TAFA1: variants seen among roughly 807,000 people sequenced by gnomAD.
TAFA1 encodes chemokine-like protein TAFA-1.
In TAFA1, 4 loss-of-function variants were observed where a neutral mutation model predicts 18.5. That is an observed-to-expected ratio of 0.22 (90% CI 0.11 to 0.49). TAFA1 has a LOEUF of 0.49. Ranked by LOEUF, TAFA1 falls within the 20% of genes least tolerant of loss-of-function variation. The pLI is 0.98. For synonymous variants in TAFA1, 56 were observed against 55.2 expected, an observed-to-expected ratio of 1.01 and a Z score of -0.06; for missense variants, 147 against 169.0, an observed-to-expected ratio of 0.87 and a Z score of 0.72.
chr3:68,382,550 G>C (rs1025543570), intron 2 of TAFA1, among the ~76,000 whole-genome samples: 3 of 151,898 alleles, frequency 2.0e-5, no homozygotes, highest in Non-Finnish European at 2.9e-5. Context: ...CTTATTTCTG[G>C]GTTCTCTATT....
chr3:68,544,697 A>C lies in TAFA1; in HGVS notation c.*194A>C. On this transcript the variant is annotated 3_prime_UTR_variant, in exon 5 of 5. Transcript: ENST00000478136. ...GAAGACACAGCGTTTTGGCAACACC[A>C]TGGAAAGTGGGCTTAAAAAAGGGTT... The C allele has an allele frequency of 1.8e-6, 1 of 542,108 alleles. No homozygotes were observed. The highest frequency in any genetic ancestry group is 1.9e-5 in the African/African-American group (1 of 51,372). 33.6% of individuals were successfully genotyped at this position (542,108 alleles called of 1,614,324 possible). A position where few individuals can be genotyped will look rare whatever the true frequency, so the allele number is the denominator to read the frequency against.
In TAFA1 at chr3:68,098,356, T is replaced by C. The variant is rs371350132; in HGVS notation, c.118+91612T>C. 7.2e-5 allele frequency among the ~76,000 whole-genome samples: 11 copies of C among 152,130 alleles called. 1 individual carries two copies. In the South Asian group the frequency reaches 8.3e-4, roughly 11 times the overall value. The stretch of plus-strand genomic sequence containing the variant: ...ATGCTGTGCCACTTCTGTCTTTTGA[T>C]TTGGGGGAAGTTGCTAGATCTCCCA... On this transcript the variant is annotated intron_variant, in intron 2 of 4. Transcript: ENST00000478136.
chr3:68,285,521 A>G (rs2067983286), intron 2 of TAFA1, among the ~76,000 whole-genome samples: 1 of 152,158 alleles, frequency 6.6e-6, no homozygotes, highest in South Asian at 2.1e-4. Context: ...AACTATATAT[A>G]TAGTGCTAGA....
At chr3:68,016,668 A>G (rs1170760828) in intron 2 of TAFA1, among the ~76,000 whole-genome samples, 2 of 152,126 alleles carry the variant, frequency 1.3e-5, no homozygotes, top group Non-Finnish European at 2.9e-5. Flanking sequence ...CTAATGATGT[A>G]TTTCTCAGAA....
chr3:68,143,834 A>T (rs953280793), intron 2 of TAFA1, among the ~76,000 whole-genome samples: 4 of 152,110 alleles, frequency 2.6e-5, no homozygotes, highest in African/African-American at 2.4e-5. Flanking sequence ...ACCTCCTAAG[A>T]TCCCTGCCAA....
intron 2 of TAFA1, among the ~76,000 whole-genome samples, chr3:68,322,865 C>T (rs1282237860): frequency 6.6e-6 from 1 of 152,110 alleles, no homozygotes; most frequent in Non-Finnish European, 1.5e-5. Flanking sequence ...ATCTCTTGAA[C>T]CTTGGAGGCA....
chr3:68,337,185 A>G (rs1291732649), intron 2 of TAFA1, among the ~76,000 whole-genome samples: 2 of 152,188 alleles, frequency 1.3e-5, no homozygotes, highest in African/African-American at 4.8e-5. Flanking sequence ...ACGGTTCCAC[A>G]CACTATACAG....
chr3:68,423,171 A>T (rs966681993), intron 3 of TAFA1, among the ~76,000 whole-genome samples: 1 of 152,118 alleles, frequency 6.6e-6, no homozygotes, highest in Non-Finnish European at 1.5e-5. Context: ...ATGGAACATA[A>T]TTAATACCAG....
At chr3:68,155,393 GA>G (rs1376124721) in intron 2 of TAFA1, among the ~76,000 whole-genome samples, 1 of 152,178 alleles carries the variant, frequency 6.6e-6, no homozygotes, top group Non-Finnish European at 1.5e-5. Context: ...TCAGTTTGTA[GA>G]TTCTGTCTTG....
At chr3:68,090,053 A>T (rs1467193113) in intron 2 of TAFA1, among the ~76,000 whole-genome samples, 1 of 152,182 alleles carries the variant, frequency 6.6e-6, no homozygotes, top group African/African-American at 2.4e-5. Context: ...ACTCACTAAG[A>T]ATTCCTTCAT....
At chr3:67,997,379 A>T in the TAFA1 span, among the ~76,000 whole-genome samples, 1 of 152,242 alleles carries the variant, frequency 6.6e-6, no homozygotes, top group East Asian at 1.9e-4. Context: ...AGTAAGAGGT[A>T]GAGCTGAAAT....
chr3:68,093,645 G>T (rs933758864), intron 2 of TAFA1, among the ~76,000 whole-genome samples: 4 of 151,992 alleles, frequency 2.6e-5, no homozygotes, highest in Admixed American at 6.6e-5. Context: ...AGCTGCTCCA[G>T]GTCAGAAGGT....
intron 2 of TAFA1, among the ~76,000 whole-genome samples, chr3:68,109,558 A>G (rs2065241584): frequency 6.6e-6 from 1 of 152,144 alleles, no homozygotes. Context: ...GTAAAGGAGG[A>G]AGACTTTAGC....
At chr3:68,451,046 CT>C (rs2071559741) in intron 3 of TAFA1, among the ~76,000 whole-genome samples, 1 of 152,164 alleles carries the variant, frequency 6.6e-6, no homozygotes, top group Non-Finnish European at 1.5e-5. Context: ...GGCAGTTTAG[CT>C]CCAGAGTCCA....
intron 2 of TAFA1, among the ~76,000 whole-genome samples, chr3:68,369,559 A>G (rs2069639441): frequency 6.6e-6 from 1 of 152,300 alleles, no homozygotes; most frequent in Middle Eastern, 3.4e-3. Flanking sequence ...TTGTTAGCCA[A>G]TAGTAGTCAC....
intron 2 of TAFA1, among the ~76,000 whole-genome samples, chr3:68,072,294 C>A (rs535001533): frequency 6.6e-6 from 1 of 152,006 alleles, no homozygotes; most frequent in African/African-American, 2.4e-5. Flanking sequence ...GAAGCAGCCT[C>A]GTGTGGCTTG....
At chr3:68,398,894 A>G (rs2070434515) in intron 2 of TAFA1, among the ~76,000 whole-genome samples, 2 of 152,188 alleles carry the variant, frequency 1.3e-5, no homozygotes, top group African/African-American at 4.8e-5. Flanking sequence ...CTAAAGGAAT[A>G]AGTTTATATT....
At chr3:68,386,818 A>G (rs57049944) in intron 2 of TAFA1, among the ~76,000 whole-genome samples, 64,806 of 151,912 alleles carry the variant, frequency 0.43, 14,450 homozygotes, top group African/African-American at 0.49. Flanking sequence ...TGTTTGAGAC[A>G]ATACCATTTC....
chr3:68,288,094 C>T (rs1193099508), intron 2 of TAFA1, among the ~76,000 whole-genome samples: 2 of 152,104 alleles, frequency 1.3e-5, no homozygotes, highest in African/African-American at 2.4e-5. Context: ...CATTACTTTG[C>T]TCTCTGGTCA....
Sources: gnomAD v4.1 joint callset for allele counts (sites outside exome capture counted in the v4.1 genomes callset) on GRCh38, gnomAD v4.1.1 for gene constraint, MANE v1.5 for transcripts, NCBI Gene and HGNC (gene_info 2026-07-23, HGNC 2026-07-21) for gene names.